ERICH1: variants seen among roughly 807,000 people sequenced by gnomAD.
ERICH1 encodes the protein glutamate-rich protein 1.
ERICH1 carries 56 observed loss-of-function variants against 39.6 expected under a neutral mutation model. The observed-to-expected ratio is 1.41, with a 90% CI of 1.14 to 1.77. The LOEUF (loss-of-function observed/expected upper bound fraction) is 1.77. Among genes scored for constraint, ERICH1 ranks in the 40% most tolerant of loss-of-function variants. The pLI is 0.00. For synonymous variants in ERICH1, 313 were observed against 223.6 expected (o/e 1.40, Z -3.57); for missense variants, 826 against 575.4 (o/e 1.44, Z -4.45).
At chr8:693,562 G>C (rs1256840333) in intron 2 of ERICH1, among the ~76,000 whole-genome samples, 1 of 152,180 alleles carries the variant, frequency 6.6e-6, no homozygotes, top group Non-Finnish European at 1.5e-5. Flanking sequence ...TTACCACCGT[G>C]GACAGCTGCT....
At chr8:717,378 C>G (rs1162457948) in intron 1 of ERICH1, among the ~76,000 whole-genome samples, 1 of 152,186 alleles carries the variant, frequency 6.6e-6, no homozygotes, top group Non-Finnish European at 1.5e-5. Context: ...TTGCCTCAAG[C>G]ATACCTGCCC....
At chr8:719,636 G>A (rs916739161) in intron 1 of ERICH1, among the ~76,000 whole-genome samples, 4 of 152,218 alleles carry the variant, frequency 2.6e-5, no homozygotes, top group Non-Finnish European at 4.4e-5. Context: ...CCGCTGGTGG[G>A]TCCTGGCGGT....
intron 3 of ERICH1, among the ~76,000 whole-genome samples, chr8:651,133 G>C (rs937244310): frequency 6.6e-6 from 1 of 152,164 alleles, no homozygotes; most frequent in East Asian, 1.9e-4. Flanking sequence ...CATTGATACT[G>C]CATTTCAGTT....
intron 3 of ERICH1, among the ~76,000 whole-genome samples, chr8:651,033 C>A (rs557481345): frequency 1.3e-5 from 2 of 152,234 alleles, no homozygotes; most frequent in Non-Finnish European, 2.9e-5. Flanking sequence ...TCTAGTCTTG[C>A]AGGGGTTCAG....
At chr8:651,766 A>T (rs183514429) in intron 3 of ERICH1, among the ~76,000 whole-genome samples, 11 of 150,336 alleles carry the variant, frequency 7.3e-5, no homozygotes, top group African/African-American at 2.7e-4. Flanking sequence ...ACGGAGCGGG[A>T]GGGGAGGGCA....
chr8:681,233 G>C (rs1398315952), intron 3 of ERICH1, among the ~76,000 whole-genome samples: 1 of 152,184 alleles, frequency 6.6e-6, no homozygotes, highest in Middle Eastern at 3.2e-3. Context: ...CCAGCCTGAG[G>C]AGGCTGAGTC....
chr8:645,938 G>C lies in ERICH1; in HGVS notation c.976+22660C>G, dbSNP rs1218142122. ...GGCATTTCTGCATGTTGAGTGCCGT[G>C]TCTGTACATCCGTGAGATGCACTGA... is the stretch of plus-strand genomic sequence containing the variant. On this transcript the variant is annotated intron_variant, in intron 3 of 3. Transcript: ENST00000522706. Among the ~76,000 whole-genome samples, 41 of 69,924 alleles carry C rather than the reference G, an allele frequency of 5.9e-4. 17 individuals are homozygous for C. The highest frequency in any genetic ancestry group is 1.5e-3 in the African/African-American group (41 of 27,852). The allele number at this position is 69,924 out of a possible 152,430, so 45.9% of individuals were successfully genotyped here. A position where few individuals can be genotyped will look rare whatever the true frequency, so the allele number is the denominator to read the frequency against.
intron 1 of ERICH1, among the ~76,000 whole-genome samples, chr8:726,725 C>G (rs1585740792): frequency 6.6e-6 from 1 of 151,620 alleles, no homozygotes; most frequent in East Asian, 1.9e-4. Flanking sequence ...CAGGCACACA[C>G]AGGCAAACAG....
chr8:700,713 G>T (rs992070457), intron 2 of ERICH1, among the ~76,000 whole-genome samples: 1 of 71,018 alleles, frequency 1.4e-5, no homozygotes, highest in African/African-American at 3.7e-5. Flanking sequence ...GGTGCTCAGC[G>T]GTGGGAGGTC....
chr8:614,819 G>A (rs1227468605), exon 4 of ERICH1: 1 of 174,518 alleles, frequency 5.7e-6, no homozygotes, highest in Non-Finnish European at 1.2e-5. Flanking sequence ...TGGTAGCTGT[G>A]GAGACTGATC....
downstream of ERICH1, among the ~76,000 whole-genome samples, chr8:660,787 A>T (rs1801314531): frequency 1.3e-5 from 2 of 152,208 alleles, no homozygotes; most frequent in African/African-American, 4.8e-5. Flanking sequence ...GACAGCGCTA[A>T]GATCCGCAGC....
chr8:646,037 G>C lies in ERICH1; in HGVS notation c.976+22561C>G, dbSNP rs1244067006. On this transcript the variant is annotated intron_variant, in intron 3 of 3. Transcript: ENST00000522706. ...TTACTCCAGGATGAAATGCAGTGGA[G>C]AAACATGGATTGTTTAATTAAAGCA... Among the ~76,000 whole-genome samples the C allele has an allele frequency of 3.7e-4, 26 of 70,260 alleles. 11 individuals are homozygous for C. Among genetic ancestry groups the C allele is most frequent in the African/African-American group, 9.3e-4 (26 of 28,026 alleles). 46.1% of individuals were successfully genotyped at this position (70,260 alleles called of 152,430 possible). A position where few individuals can be genotyped will look rare whatever the true frequency, so the allele number is the denominator to read the frequency against.
chr8:615,515 G>A (rs1796859118), intron 3 of ERICH1: 1 of 433,304 alleles, frequency 2.3e-6, no homozygotes, highest in Non-Finnish European at 4.0e-6. Context: ...TTCCTGCAAA[G>A]GGAAGGCTCA....
At chr8:653,001 G>A (rs1489849586) in intron 3 of ERICH1, among the ~76,000 whole-genome samples, 1 of 152,192 alleles carries the variant, frequency 6.6e-6, no homozygotes, top group East Asian at 1.9e-4. Context: ...CTGTTGCTGG[G>A]AATGAAAAAC....
intron 3 of ERICH1, among the ~76,000 whole-genome samples, chr8:655,087 G>C (rs147630236): frequency 6.6e-6 from 1 of 152,180 alleles, no homozygotes; most frequent in Non-Finnish European, 1.5e-5. Context: ...AACCAACCCC[G>C]AGTGGTCTCT....
intron 1 of ERICH1, among the ~76,000 whole-genome samples, chr8:727,396 T>A (rs1036135073): frequency 4.6e-5 from 7 of 152,130 alleles, no homozygotes; most frequent in African/African-American, 1.4e-4. Context: ...ATCCACTCCC[T>A]GAGGTGCAGG....
chr8:700,715 T>C (rs1310846995), intron 2 of ERICH1, among the ~76,000 whole-genome samples: 2 of 152,096 alleles, frequency 1.3e-5, no homozygotes, highest in Non-Finnish European at 2.9e-5. Context: ...TGCTCAGCGG[T>C]GGGAGGTCCT....
At chr8:625,374 A>C (rs1464002833) in intron 3 of ERICH1, among the ~76,000 whole-genome samples, 2 of 152,210 alleles carry the variant, frequency 1.3e-5, no homozygotes, top group Non-Finnish European at 2.9e-5. Flanking sequence ...CGGACAAAGG[A>C]GGCCAGGTAG....
chr8:629,798 C>A (rs1460035684), intron 3 of ERICH1, among the ~76,000 whole-genome samples: 58 of 141,486 alleles, frequency 4.1e-4, no homozygotes, highest in Non-Finnish European at 5.0e-4. Context: ...AGAGCTGACT[C>A]ACACCCTCCT....
Sources: gnomAD v4.1 joint callset for allele counts (sites outside exome capture counted in the v4.1 genomes callset) on GRCh38, gnomAD v4.1.1 for gene constraint, MANE v1.5 for transcripts, NCBI Gene and HGNC (gene_info 2026-07-23, HGNC 2026-07-21) for gene names.